The following CASZ1 variants were observed in gnomAD, a reference collection of about 807,000 sequenced individuals.
CASZ1 encodes the protein castor zinc finger 1.
In CASZ1, 28 loss-of-function variants were observed where a neutral mutation model predicts 135.2. That is an observed-to-expected ratio of 0.21 (90% CI 0.15 to 0.28). The LOEUF is 0.28. Among genes scored for constraint, CASZ1 ranks in the 10% least tolerant of loss-of-function variants. The pLI is 1.00. For synonymous variants in CASZ1, 1,068 were observed against 1,073.4 expected, an observed-to-expected ratio of 0.99 and a Z score of 0.10; for missense variants, 2,161 against 2,453.3, an observed-to-expected ratio of 0.88 and a Z score of 2.52.
chr1:10,700,080 G>GACACACACACAC lies in CASZ1; in HGVS notation c.-24+5400_-24+5411dup, dbSNP rs572824153. ...AGACAGAGAGAGAAAGAGAGATAGA[G>GACACACACACAC]ACACACACACACACACACACACACA... On this transcript the variant is annotated intron_variant, in intron 3 of 20. Coordinates refer to ENST00000377022, the MANE Select transcript of CASZ1 (RefSeq NM_001079843.3). This position sits in a 1 kb window ranked among gnomAD's most constrained non-coding sequence, Gnocchi z 4.2. 0.018 allele frequency among the ~76,000 whole-genome samples: 2,374 copies of GACACACACACAC among 134,024 alleles called. 50 individuals are homozygous for GACACACACACAC. Among genetic ancestry groups the GACACACACACAC allele is most frequent in the Middle Eastern group, 0.038 (10 of 262 alleles). 87.9% of individuals were successfully genotyped at this position (134,024 alleles called of 152,430 possible).
Position 10,646,369 on chromosome 1 carries a change from G to C in CASZ1, c.3498-43C>G. ...CCCAGAAGGTCATTGCCATTCTCAA[G>C]CCCTCCCTGCTGGTGTCCTGACTTC... On this transcript the variant is annotated intron_variant, in intron 16 of 20. Coordinates refer to ENST00000377022, the MANE Select transcript of CASZ1 (RefSeq NM_001079843.3). The surrounding 1 kb of genome is among the most constrained non-coding windows in gnomAD (Gnocchi z 6.4). The C allele has an allele frequency of 6.3e-7, 1 of 1,590,612 alleles. No homozygotes were observed. Among genetic ancestry groups the C allele is most frequent in the South Asian group, 1.1e-5 (1 of 89,516 alleles).
At chr1:10,640,154 G>T in intron 20 of CASZ1, 95 bp from the exon 21 acceptor site, 1 of 1,502,170 alleles carries the variant, frequency 6.7e-7, no homozygotes, top group Non-Finnish European at 8.9e-7. Flanking sequence ...CTGGCATGGC[G>T]CCAGAGGGCG....
intron 11 of CASZ1, chr1:10,652,234 T>A (rs1453008966): frequency 6.6e-6 from 1 of 152,300 alleles, no homozygotes; most frequent in Non-Finnish European, 1.5e-5. Flanking sequence ...TGGCTGGTTC[T>A]GAGAGGGTTT....
intron 17 of CASZ1, among the ~76,000 whole-genome samples, 160 bp downstream of exon 17, chr1:10,645,968 G>C (rs763544625): frequency 7.9e-5 from 12 of 152,098 alleles, no homozygotes; most frequent in Middle Eastern, 3.2e-3. Flanking sequence ...CAGGGGCCTA[G>C]GGGCAGATGG....
intron 4 of CASZ1, among the ~76,000 whole-genome samples, chr1:10,671,130 G>A (rs958464106): frequency 2.0e-5 from 3 of 152,168 alleles, no homozygotes; most frequent in African/African-American, 4.8e-5. Flanking sequence ...CTATCCAGAC[G>A]CGTCTAAGTG....
intron 3 of CASZ1, among the ~76,000 whole-genome samples, chr1:10,695,317 A>G (rs968816033): frequency 2.6e-5 from 4 of 152,004 alleles, no homozygotes; most frequent in Non-Finnish European, 4.4e-5. Context: ...AACGGGTCCA[A>G]GTGTCCTCCC....
In CASZ1 at chr1:10,647,225, T is replaced by G; in HGVS notation, c.3497+576A>C. On this transcript the variant is annotated intron_variant, in intron 16 of 20. Coordinates refer to ENST00000377022, the MANE Select transcript of CASZ1 (RefSeq NM_001079843.3). The surrounding 1 kb of genome is among the most constrained non-coding windows in gnomAD (Gnocchi z 4.9). ...CACTCAGGCGATATAAATAATCCAA[T>G]TTATTACTTTTATTGAGAACAGGAA... 1 of 989,004 alleles carries G rather than the reference T, an allele frequency of 1.0e-6. No homozygotes were observed. Among genetic ancestry groups the G allele is most frequent in the Admixed American group, 5.7e-5 (1 of 17,490 alleles). The allele number at this position is 989,004 out of a possible 1,614,324, so 61.3% of individuals were successfully genotyped here.
At chr1:10,729,234 A>T (rs1639653827) in intron 2 of CASZ1, among the ~76,000 whole-genome samples, 1 of 152,028 alleles carries the variant, frequency 6.6e-6, no homozygotes. Context: ...GGCCCAAGAC[A>T]GGCCTGCGCT....
intron 4 of CASZ1, among the ~76,000 whole-genome samples, chr1:10,687,857 C>T (rs1169391242): frequency 6.6e-6 from 1 of 152,204 alleles, no homozygotes; most frequent in Non-Finnish European, 1.5e-5. Flanking sequence ...CTTCCCTGCC[C>T]CTTTCACGTC....
At chr1:10,775,900 C>T (rs1391418586) in intron 1 of CASZ1, among the ~76,000 whole-genome samples, 1 of 152,162 alleles carries the variant, frequency 6.6e-6, no homozygotes, top group Non-Finnish European at 1.5e-5. Flanking sequence ...CCCCGTCCCA[C>T]CCAATCAGGC....
Position 10,724,143 on chromosome 1 carries a change from G to C in CASZ1, c.-76-18599C>G, listed in dbSNP as rs190369627. Among the ~76,000 whole-genome samples the C allele has an allele frequency of 6.6e-6, 1 of 152,166 alleles. No homozygotes were observed. The highest frequency in any genetic ancestry group is 6.5e-5 in the Admixed American group (1 of 15,284). Reference sequence around the variant, plus strand: ...CCCATCTTTGCCAAAAGAGGTGTCAGGCTAACGTTACACCAGCTTTAAAAA... The same window carrying C: ...CCCATCTTTGCCAAAAGAGGTGTCACGCTAACGTTACACCAGCTTTAAAAA... On this transcript the variant is annotated intron_variant, in intron 2 of 20. Coordinates refer to ENST00000377022, the MANE Select transcript of CASZ1 (RefSeq NM_001079843.3). The surrounding 1 kb of genome is among the most constrained non-coding windows in gnomAD (Gnocchi z 4.1).
chr1:10,760,466 G>A (rs887377461), intron 2 of CASZ1, among the ~76,000 whole-genome samples: 1 of 152,218 alleles, frequency 6.6e-6, no homozygotes, highest in African/African-American at 2.4e-5. Flanking sequence ...AGTAAGTAGT[G>A]AGTCGGTGAC....
At position 10,739,994 on chromosome 1, in the gene CASZ1, G is replaced by A. The variant is rs906890962; in HGVS notation, c.-77+20707C>T. 3.9e-5 allele frequency among the ~76,000 whole-genome samples: 6 copies of A among 152,148 alleles called. No homozygotes were observed. The highest frequency in any genetic ancestry group is 8.8e-5 in the Non-Finnish European group (6 of 68,032). Reference sequence around the variant, plus strand: ...GGACAAGGTCTCATTCCAGTGGCCCGGTGTCACAGCGTGTCCTCATTTGCA... The same window carrying A: ...GGACAAGGTCTCATTCCAGTGGCCCAGTGTCACAGCGTGTCCTCATTTGCA... On this transcript the variant is annotated intron_variant, in intron 2 of 20. Coordinates refer to ENST00000377022, the MANE Select transcript of CASZ1 (RefSeq NM_001079843.3). This position sits in a 1 kb window ranked among gnomAD's most constrained non-coding sequence, Gnocchi z 4.8.
At chr1:10,792,775 A>T (rs1036376203) in intron 1 of CASZ1, among the ~76,000 whole-genome samples, 1 of 149,304 alleles carries the variant, frequency 6.7e-6, no homozygotes, top group African/African-American at 2.5e-5. Flanking sequence ...ATGTACTCTC[A>T]CATACCAGAC....
Position 10,642,867 on chromosome 1 carries a change from G to A in CASZ1, c.4154C>T (p.Thr1385Ile), listed in dbSNP as rs1311800594. Reference protein sequence around the residue: ...CSSTPVGNESTAAGNTISMPT... With the variant: ...CSSTPVGNESIAAGNTISMPT... ...CCCTGCCTGCCGCTCACCTGCCGCG[G>A]TGCTCTCGTTACCCACGGGGGTGCT... The change falls in exon 20 of 21, where the codon ACC (threonine) becomes ATC (isoleucine). Residue 1385 changes from threonine (T) to isoleucine (I), a missense_variant. Around this residue, in one of 7 missense-constraint regions of CASZ1, gnomAD observed 143 missense variants for 128.3 expected, o/e 1.11. Transcript: ENST00000377022. 3 of 1,612,726 alleles carry A rather than the reference G, an allele frequency of 1.9e-6. No homozygotes were observed. The South Asian group carries it at 3.3e-5, about 18-fold the overall frequency.
chr1:10,663,577 A>G (rs920189484), intron 5 of CASZ1, among the ~76,000 whole-genome samples: 1 of 152,194 alleles, frequency 6.6e-6, no homozygotes, highest in African/African-American at 2.4e-5. Flanking sequence ...AGCCCTCGCT[A>G]TATATGGCAG....
At chr1:10,729,963 T>C (rs1017357375) in intron 2 of CASZ1, among the ~76,000 whole-genome samples, 7 of 151,992 alleles carry the variant, frequency 4.6e-5, no homozygotes, top group Non-Finnish European at 1.5e-5. Flanking sequence ...TACAGGCCTG[T>C]GCCACCACAA....
intron 10 of CASZ1, 65 bp from the exon 11 acceptor site, chr1:10,654,283 C>A (rs1642712164): frequency 6.3e-7 from 1 of 1,589,824 alleles, no homozygotes; most frequent in African/African-American, 1.3e-5. Flanking sequence ...ACACCATGGC[C>A]CTGGGAGGGA....
chr1:10,668,993 G>A (rs1184711308), intron 4 of CASZ1, among the ~76,000 whole-genome samples: 2 of 152,190 alleles, frequency 1.3e-5, no homozygotes, highest in African/African-American at 4.8e-5. Flanking sequence ...GCCCCTCCTC[G>A]GATTCCTAGG....
Sources: allele counts gnomAD v4.1 joint callset (sites outside exome capture counted in the v4.1 genomes callset), GRCh38; gene constraint gnomAD v4.1.1; regional missense constraint gnomAD v4.1.1; non-coding constraint Gnocchi (gnomAD v3.1); transcripts MANE v1.5; gene names NCBI Gene and HGNC (gene_info 2026-07-23, HGNC 2026-07-21).